The following ATP2B2 variants were observed in gnomAD, a reference collection of about 807,000 sequenced individuals.
ATP2B2 encodes plasma membrane calcium-transporting ATPase 2.
In ATP2B2, 15 loss-of-function variants were observed where a neutral mutation model predicts 120.0. The ratio of observed to expected loss-of-function variants is 0.12; its 90% CI spans 0.08 to 0.19. The LOEUF is 0.19. Ranked by LOEUF, ATP2B2 falls within the 10% of genes least tolerant of loss-of-function variation. ATP2B2 has a pLI of 1.00. For missense variants in ATP2B2, 1,045 were observed against 1,719.8 expected, an observed-to-expected ratio of 0.61 and a Z score of 6.94; for synonymous variants, 694 against 700.3, an observed-to-expected ratio of 0.99 and a Z score of 0.14.
At chr3:10,405,410 G>T (rs140413657) in intron 3 of ATP2B2, among the ~76,000 whole-genome samples, 9 of 152,302 alleles carry the variant, frequency 5.9e-5, no homozygotes, top group African/African-American at 1.9e-4. Flanking sequence ...CTCGTCACGC[G>T]GTGCCAAGGG....
At chr3:10,659,264 T>C (rs1438381328) in intron 1 of ATP2B2, among the ~76,000 whole-genome samples, 1 of 152,186 alleles carries the variant, frequency 6.6e-6, no homozygotes, top group Non-Finnish European at 1.5e-5. Flanking sequence ...TAAATGTAAA[T>C]GGGATAAATC....
chr3:10,636,840 G>A (rs569924355), intron 1 of ATP2B2, among the ~76,000 whole-genome samples: 25 of 152,292 alleles, frequency 1.6e-4, no homozygotes, highest in Non-Finnish European at 3.2e-4. Context: ...GCTGCAAAGA[G>A]CTACAGAGAG....
chr3:10,501,924 G>A (rs759083014), intron 1 of ATP2B2, among the ~76,000 whole-genome samples: 15 of 152,208 alleles, frequency 9.9e-5, no homozygotes, highest in Non-Finnish European at 2.2e-4. Flanking sequence ...CTGTGGAAAT[G>A]TAGCCCCTGG....
chr3:10,661,532 C>A (rs1028662168), intron 1 of ATP2B2, among the ~76,000 whole-genome samples: 1 of 152,176 alleles, frequency 6.6e-6, no homozygotes, highest in Non-Finnish European at 1.5e-5. Flanking sequence ...CCTAGGAATC[C>A]AACTTACAAG....
chr3:10,502,151 A>C (rs548986872), intron 1 of ATP2B2, among the ~76,000 whole-genome samples: 41 of 152,284 alleles, frequency 2.7e-4, no homozygotes, highest in African/African-American at 9.9e-4. Flanking sequence ...TCTGCAAACT[A>C]GAGATTTCTT....
At chr3:10,513,753 G>A (rs934329188) in intron 3 of ATP2B2, among the ~76,000 whole-genome samples, 1 of 152,166 alleles carries the variant, frequency 6.6e-6, no homozygotes, top group African/African-American at 2.4e-5. Flanking sequence ...GGGCACCCTG[G>A]CATAAGGGGA....
intron 1 of ATP2B2, among the ~76,000 whole-genome samples, chr3:10,625,192 G>A (rs1401937875): frequency 6.6e-6 from 1 of 152,236 alleles, no homozygotes; most frequent in Non-Finnish European, 1.5e-5. Context: ...CCTTGCAGGG[G>A]AATGAACGGT....
upstream of ATP2B2, among the ~76,000 whole-genome samples, chr3:10,509,475 C>A (rs2066716757): frequency 6.6e-6 from 1 of 152,190 alleles, no homozygotes; most frequent in South Asian, 2.1e-4. Context: ...CCTCAAAGAG[C>A]CCAGGCTTCT....
intron 5 of ATP2B2, among the ~76,000 whole-genome samples, chr3:10,392,945 G>A (rs1334782968): frequency 7.9e-5 from 12 of 152,238 alleles, no homozygotes; most frequent in African/African-American, 2.9e-4. Context: ...AGAAGAGGGT[G>A]TGGAGAGGCC....
At chr3:10,431,763 G>A (rs62238386) in intron 2 of ATP2B2, among the ~76,000 whole-genome samples, 1 of 151,754 alleles carries the variant, frequency 6.6e-6, no homozygotes, top group Non-Finnish European at 1.5e-5. Flanking sequence ...AAAAAAAAAG[G>A]ATTTCCCAGT....
intron 2 of ATP2B2, among the ~76,000 whole-genome samples, chr3:10,435,032 C>T (rs1348735566): frequency 6.6e-6 from 1 of 152,224 alleles, no homozygotes; most frequent in East Asian, 1.9e-4. Flanking sequence ...CCTTCATTCC[C>T]TTTGACAAAT....
chr3:10,370,394 T>C (rs1196857468), intron 12 of ATP2B2, among the ~76,000 whole-genome samples: 2 of 152,192 alleles, frequency 1.3e-5, no homozygotes, highest in Non-Finnish European at 2.9e-5. Context: ...GGGAGCAGAA[T>C]AAAGCATCGC....
At chr3:10,550,917 T>C (rs950374843) in intron 2 of ATP2B2, among the ~76,000 whole-genome samples, 3 of 152,212 alleles carry the variant, frequency 2.0e-5, no homozygotes, top group African/African-American at 2.4e-5. Flanking sequence ...ATCAGGCAGG[T>C]TGCTGGCAGG....
At chr3:10,545,138 GTC>G in intron 2 of ATP2B2, among the ~76,000 whole-genome samples, 1 of 152,344 alleles carries the variant, frequency 6.6e-6, no homozygotes, top group African/African-American at 2.4e-5. Flanking sequence ...AAAGAAGCGA[GTC>G]TCAGAAGATT....
intron 11 of ATP2B2, among the ~76,000 whole-genome samples, chr3:10,374,974 C>T (rs1213111182): frequency 5.9e-5 from 9 of 152,182 alleles, no homozygotes; most frequent in Admixed American, 1.3e-4. Context: ...GCGGGGCCTA[C>T]GACTGAGACC....
intron 2 of ATP2B2, among the ~76,000 whole-genome samples, chr3:10,541,974 G>T (rs189691997): frequency 1.3e-4 from 20 of 152,162 alleles, no homozygotes; most frequent in Non-Finnish European, 2.4e-4. Context: ...CTTCCTGATT[G>T]ACCCTTTTAT....
chr3:10,589,230 G>A (rs1180785351), intron 2 of ATP2B2, among the ~76,000 whole-genome samples: 2 of 152,180 alleles, frequency 1.3e-5, no homozygotes, highest in African/African-American at 4.8e-5. Context: ...TAAATGGAGT[G>A]GCCCAGAGAG....
chr3:10,499,208 A>C (rs2066280503), intron 1 of ATP2B2, among the ~76,000 whole-genome samples: 1 of 152,196 alleles, frequency 6.6e-6, no homozygotes, highest in South Asian at 2.1e-4. Context: ...TCCTCATACA[A>C]CAAATAATAG....
intron 2 of ATP2B2, among the ~76,000 whole-genome samples, chr3:10,446,469 T>C (rs1400854377): frequency 6.6e-6 from 1 of 152,202 alleles, no homozygotes. Flanking sequence ...CCCCCAGCCC[T>C]GTGAGGTAGT....
Sources: allele counts gnomAD v4.1 joint callset (sites outside exome capture counted in the v4.1 genomes callset), GRCh38; gene constraint gnomAD v4.1.1; transcripts MANE v1.5; gene names NCBI Gene and HGNC (gene_info 2026-07-23, HGNC 2026-07-21).